The following PAX2 variants were observed in gnomAD, a reference collection of about 807,000 sequenced individuals.
The protein encoded by PAX2 is paired box protein Pax-2.
In PAX2, 9 loss-of-function variants were observed where a neutral mutation model predicts 41.7. The ratio of observed to expected loss-of-function variants is 0.22; its 90% CI spans 0.13 to 0.38. PAX2 has a LOEUF of 0.38. Ranked by LOEUF, PAX2 falls within the 10% of genes least tolerant of loss-of-function variation. The pLI is 1.00. For missense variants in PAX2, 418 were observed against 531.6 expected (o/e 0.79, Z 2.10); for synonymous variants, 221 against 212.7 (o/e 1.04, Z -0.34).
At chr10:100,781,107 G>C in intron 4 of PAX2, 139 bp from the exon 5 acceptor site, 1 of 828,094 alleles carries the variant, frequency 1.2e-6, no homozygotes, top group South Asian at 1.3e-5. Flanking sequence ...AGAGGAAGTA[G>C]AGGAATGAGA....
intron 5 of PAX2, among the ~76,000 whole-genome samples, chr10:100,790,045 A>G (rs1847039309): frequency 2.0e-5 from 3 of 152,240 alleles, no homozygotes; most frequent in Non-Finnish European, 2.9e-5. Context: ...CCTTGCCTTT[A>G]TATCAGAGAC....
intron 7 of PAX2, among the ~76,000 whole-genome samples, chr10:100,820,116 C>G (rs1292907150): frequency 6.6e-6 from 1 of 152,178 alleles, no homozygotes; most frequent in Non-Finnish European, 1.5e-5. Flanking sequence ...ATACTCCACC[C>G]CATGGAGTTT....
At chr10:100,735,660 G>C (rs1181578674) in exon 1 of PAX2, 1 of 1,060,014 alleles carries the variant, frequency 9.4e-7, no homozygotes, top group African/African-American at 1.7e-5. Context: ...GCGGAGGAGC[G>C]GGACAGCCAG....
chr10:100,767,276 C>T (rs1399302683), intron 3 of PAX2, among the ~76,000 whole-genome samples: 3 of 152,182 alleles, frequency 2.0e-5, no homozygotes, highest in East Asian at 3.9e-4. Flanking sequence ...CTCCCAAGCA[C>T]GATGCAGCCT....
In PAX2 at chr10:100,813,820, C is replaced by G. The variant is rs147983672; in HGVS notation, c.919+4584C>G. Among the ~76,000 whole-genome samples, 730 of 152,258 alleles carry G rather than the reference C, an allele frequency of 4.8e-3. 5 individuals are homozygous for G. Among genetic ancestry groups the G allele is most frequent in the African/African-American group, 0.017 (695 of 41,546 alleles). ...CTCACCAGGAGCAATGACAAACCTT[C>G]TTTGTAGAGACATTCTAAAATCCAG... is the stretch of plus-strand genomic sequence containing the variant. On this transcript the variant is annotated intron_variant, in intron 7 of 9. Coordinates refer to ENST00000355243, the MANE Select transcript of PAX2 (RefSeq NM_000278.5).
rs1244645375 is a variant in PAX2, at chr10:100,781,127, G to C, written c.497-119G>C. The C allele has an allele frequency of 1.5e-5, 14 of 953,360 alleles. No individual in the cohort carries two copies. The South Asian group carries it at 1.8e-4, about 12-fold the overall frequency. 59.1% of individuals were successfully genotyped at this position (953,360 alleles called of 1,614,324 possible). Reference sequence around the variant, plus strand: ...AAGTAGAGGAATGAGAGGAACGTGGGCTCCTCATCCCTCCTTATGTCCTCT... The same window carrying C: ...AAGTAGAGGAATGAGAGGAACGTGGCCTCCTCATCCCTCCTTATGTCCTCT... On this transcript the variant is annotated intron_variant, in intron 4 of 9. Transcript: ENST00000355243.
At chr10:100,812,382 G>A (rs933647103) in intron 7 of PAX2, among the ~76,000 whole-genome samples, 12 of 152,142 alleles carry the variant, frequency 7.9e-5, no homozygotes, top group South Asian at 4.1e-4. Context: ...ACGGAGCCTC[G>A]TCTCTCCTAA....
At chr10:100,737,449 C>G (rs6584393) in intron 1 of PAX2, among the ~76,000 whole-genome samples, 122,158 of 152,296 alleles carry the variant, frequency 0.8, 49,216 homozygotes, top group East Asian at 1. Context: ...GCCAGCGGCC[C>G]GACTCCGCAC....
At chr10:100,795,283 T>C (rs1165632315) in intron 5 of PAX2, among the ~76,000 whole-genome samples, 1 of 152,214 alleles carries the variant, frequency 6.6e-6, no homozygotes, top group African/African-American at 2.4e-5. Context: ...AGGACTGATT[T>C]ACAAAGGTAA....
intron 8 of PAX2, among the ~76,000 whole-genome samples, chr10:100,825,827 G>A (rs1848534927): frequency 6.6e-6 from 1 of 152,018 alleles, no homozygotes; most frequent in African/African-American, 2.4e-5. Context: ...TGGGTAAAGG[G>A]ATTCCTGCCC....
chr10:100,802,120 C>T (rs913217746), intron 5 of PAX2, among the ~76,000 whole-genome samples: 7 of 152,200 alleles, frequency 4.6e-5, no homozygotes, highest in African/African-American at 1.7e-4. Flanking sequence ...CACACGGTCC[C>T]TTCCTTGCTC....
At chr10:100,798,411 C>T (rs900517731) in intron 5 of PAX2, among the ~76,000 whole-genome samples, 5 of 152,062 alleles carry the variant, frequency 3.3e-5, no homozygotes, top group South Asian at 2.1e-4. Context: ...CCACTGCACC[C>T]GGCCCACTTT....
chr10:100,795,981 C>G (rs914441743), intron 5 of PAX2, among the ~76,000 whole-genome samples: 2 of 152,218 alleles, frequency 1.3e-5, no homozygotes, highest in African/African-American at 4.8e-5. Flanking sequence ...TTCTTTCTTT[C>G]TCCAAGGCCC....
At chr10:100,736,367 T>A (rs151166481) in intron 1 of PAX2, among the ~76,000 whole-genome samples, 34 of 152,242 alleles carry the variant, frequency 2.2e-4, no homozygotes, top group African/African-American at 7.7e-4. Flanking sequence ...CTTCCTTCCT[T>A]CGCTTGTCCC....
rs534828934 is a variant in PAX2, at chr10:100,748,784, TG to T, written c.44-955del. On this transcript the variant is annotated intron_variant, in intron 1 of 9. Coordinates refer to ENST00000355243, the MANE Select transcript of PAX2 (RefSeq NM_000278.5). This position sits in a 1 kb window ranked among gnomAD's most constrained non-coding sequence, Gnocchi z 5.0. ...CAAAAGCCCGAGCCGCTCGGTTTCC[TG>T]GGGGGGCTGCCGAGGTCTGAGGGGT... 8.5e-3 allele frequency: 8,417 copies of T among 985,326 alleles called. 32 individuals carry two copies. The highest frequency in any genetic ancestry group is 0.014 in the South Asian group (294 of 21,280). The allele number at this position is 985,326 out of a possible 1,614,324, so 61.0% of individuals were successfully genotyped here. A position where few individuals can be genotyped will look rare whatever the true frequency, so the allele number is the denominator to read the frequency against.
In PAX2 at chr10:100,746,130, C is replaced by T; in HGVS notation, c.-131C>T. The T allele has an allele frequency of 2.5e-6, 4 of 1,570,046 alleles. No homozygotes were observed. Among genetic ancestry groups the T allele is most frequent in the Non-Finnish European group, 3.4e-6 (4 of 1,162,424 alleles). Reference sequence around the variant, plus strand: ...TGCTGCGCCCCCCGCCCCCGCGCGCCCCGCAGCAGCCGGGCGTTCACTCAT... The same window carrying T: ...TGCTGCGCCCCCCGCCCCCGCGCGCTCCGCAGCAGCCGGGCGTTCACTCAT... On this transcript the variant is annotated 5_prime_UTR_variant, in exon 1 of 10. Coordinates refer to ENST00000355243, the MANE Select transcript of PAX2 (RefSeq NM_000278.5).
intron 5 of PAX2, among the ~76,000 whole-genome samples, chr10:100,798,364 C>T (rs1847413213): frequency 6.6e-6 from 1 of 152,036 alleles, no homozygotes; most frequent in South Asian, 2.1e-4. Flanking sequence ...AATCTGCCCA[C>T]CTCGGCCTCC....
In PAX2 at chr10:100,748,964, C is replaced by A; in HGVS notation, c.44-782C>A. On this transcript the variant is annotated intron_variant, in intron 1 of 9. Coordinates refer to ENST00000355243, the MANE Select transcript of PAX2 (RefSeq NM_000278.5). The surrounding 1 kb of genome is among the most constrained non-coding windows in gnomAD (Gnocchi z 5.0). The stretch of plus-strand genomic sequence containing the variant: ...CAGGCAGGCGAGCCCAAGCAGCCGG[C>A]ATTCTCTGCCTGCTGCCTGGAGCCG... The A allele has an allele frequency of 1.0e-6, 1 of 985,434 alleles. No individual in the cohort carries two copies. Among genetic ancestry groups the A allele is most frequent in the Non-Finnish European group, 1.2e-6 (1 of 829,930 alleles). The allele number at this position is 985,434 out of a possible 1,614,324, so 61.0% of individuals were successfully genotyped here.
chr10:100,788,492 T>C (rs946590956), intron 5 of PAX2, among the ~76,000 whole-genome samples: 16 of 152,176 alleles, frequency 1.1e-4, no homozygotes, highest in African/African-American at 2.9e-4. Context: ...CAGCCTGCCA[T>C]GTTGGCTGAG....
Sources: gnomAD v4.1 joint callset for allele counts (sites outside exome capture counted in the v4.1 genomes callset) on GRCh38, gnomAD v4.1.1 for gene constraint, Gnocchi (gnomAD v3.1) non-coding constraint, MANE v1.5 for transcripts, NCBI Gene and HGNC (gene_info 2026-07-23, HGNC 2026-07-21) for gene names.